Variants in LRP1B observed in about 807,000 individuals in gnomAD.
LRP1B encodes low-density lipoprotein receptor-related protein 1B.
Under a neutral mutation model 556.6 loss-of-function variants are expected in LRP1B, and 217 were observed. The ratio of observed to expected loss-of-function variants is 0.39; its 90% CI spans 0.35 to 0.44. The LOEUF is 0.44. Among genes scored for constraint, LRP1B ranks in the 20% least tolerant of loss-of-function variants. The pLI, the probability that LRP1B is intolerant of heterozygous loss-of-function variation, is 1.00. For synonymous variants in LRP1B, 2,047 were observed against 1,865.8 expected (o/e 1.10, Z -2.50); for missense variants, 5,053 against 5,620.8 (o/e 0.90, Z 3.23).
intron 1 of LRP1B, among the ~76,000 whole-genome samples, chr2:141,936,881 T>G (rs1700649752): frequency 6.6e-6 from 1 of 151,998 alleles, no homozygotes; most frequent in Non-Finnish European, 1.5e-5. Context: ...TTCTCCTAGA[T>G]TTTTAATAAA....
intron 3 of LRP1B, among the ~76,000 whole-genome samples, chr2:141,354,398 C>T (rs1349348089): frequency 1.3e-5 from 2 of 151,948 alleles, no homozygotes; most frequent in African/African-American, 4.8e-5. Flanking sequence ...ATATCCTTTA[C>T]ATAGAACATA....
intron 83 of LRP1B, among the ~76,000 whole-genome samples, chr2:140,309,280 C>CT (rs890903862): frequency 1.3e-5 from 2 of 151,770 alleles, no homozygotes; most frequent in African/African-American, 4.8e-5. Context: ...CCAGGTACTT[C>CT]TTAATATATT....
At chr2:141,510,558 G>A (rs1471293437) in intron 2 of LRP1B, among the ~76,000 whole-genome samples, 2 of 151,982 alleles carry the variant, frequency 1.3e-5, no homozygotes, top group South Asian at 2.1e-4. Context: ...TATGAAAGAG[G>A]AAAATAAGCC....
intron 83 of LRP1B, among the ~76,000 whole-genome samples, chr2:140,300,243 A>T (rs1683762769): frequency 6.6e-6 from 1 of 152,144 alleles, no homozygotes; most frequent in South Asian, 2.1e-4. Context: ...AGAAATCTTC[A>T]TATTCAGGGG....
chr2:142,048,497 C>T (rs1468885095), intron 1 of LRP1B, among the ~76,000 whole-genome samples: 1 of 152,034 alleles, frequency 6.6e-6, no homozygotes, highest in East Asian at 1.9e-4. Context: ...ACTCTTTCTA[C>T]TATGGACATG....
At chr2:141,764,166 G>T (rs1694654096) in intron 2 of LRP1B, among the ~76,000 whole-genome samples, 1 of 151,992 alleles carries the variant, frequency 6.6e-6, no homozygotes, top group Non-Finnish European at 1.5e-5. Flanking sequence ...TAGGAATGGG[G>T]CTCTGTCTGA....
intron 61 of LRP1B, 129 bp from the exon 62 acceptor site, chr2:140,456,732 A>G: frequency 3.2e-6 from 2 of 616,152 alleles, no homozygotes; most frequent in East Asian, 6.2e-5. Context: ...TCAAGAACTC[A>G]TCAAGACTAT....
chr2:141,003,562 TA>T (rs1697485656), intron 15 of LRP1B, among the ~76,000 whole-genome samples: 1 of 151,994 alleles, frequency 6.6e-6, no homozygotes, highest in Non-Finnish European at 1.5e-5. Flanking sequence ...CTGATTATTT[TA>T]AAAACAGGGA....
At chr2:141,134,117 T>C (rs746159391) in intron 7 of LRP1B, among the ~76,000 whole-genome samples, 2 of 151,684 alleles carry the variant, frequency 1.3e-5, no homozygotes, top group African/African-American at 2.4e-5. Context: ...CCCTCCAACA[T>C]ATATCCAGTC....
At chr2:141,758,181 C>T (rs1694390849) in intron 2 of LRP1B, among the ~76,000 whole-genome samples, 1 of 152,110 alleles carries the variant, frequency 6.6e-6, no homozygotes, top group Admixed American at 6.6e-5. Flanking sequence ...TTTCTCTTCC[C>T]CCCACTCCAA....
At chr2:140,675,789 T>C (rs1317289293) in intron 41 of LRP1B, among the ~76,000 whole-genome samples, 1 of 152,068 alleles carries the variant, frequency 6.6e-6, no homozygotes, top group Non-Finnish European at 1.5e-5. Flanking sequence ...TAAAATAATA[T>C]AGACAGAGAG....
chr2:141,663,229 A>G (rs1690293432), intron 2 of LRP1B, among the ~76,000 whole-genome samples: 1 of 152,184 alleles, frequency 6.6e-6, no homozygotes. Flanking sequence ...CCCCATCAAA[A>G]TGCTAGAAAG....
At chr2:141,365,041 A>G (rs1289217179) in intron 3 of LRP1B, among the ~76,000 whole-genome samples, 3 of 152,218 alleles carry the variant, frequency 2.0e-5, no homozygotes, top group African/African-American at 7.2e-5. Flanking sequence ...ACAGCTTATG[A>G]TGAATCTTTT....
At chr2:141,904,890 A>G (rs1699712081) in intron 1 of LRP1B, among the ~76,000 whole-genome samples, 1 of 151,980 alleles carries the variant, frequency 6.6e-6, no homozygotes. Context: ...CTAATAAGAC[A>G]GGGACAGAGA....
At chr2:140,619,560 G>C (rs867949045) in intron 41 of LRP1B, among the ~76,000 whole-genome samples, 59 of 152,158 alleles carry the variant, frequency 3.9e-4, no homozygotes, top group African/African-American at 1.4e-3. Flanking sequence ...GCTATTGCCT[G>C]ACTGAGTGAC....
chr2:141,954,708 G>T lies in LRP1B; in HGVS notation c.83-144307C>A, dbSNP rs773387693. Reference sequence around the variant, plus strand: ...TATAAACTGTGCGTTCATATCTTCAGGTCTTTCTTCCCATCATTGCTCTTC... The same window carrying T: ...TATAAACTGTGCGTTCATATCTTCATGTCTTTCTTCCCATCATTGCTCTTC... On this transcript the variant is annotated intron_variant, in intron 1 of 90. Transcript: ENST00000389484. Among the ~76,000 whole-genome samples the T allele has an allele frequency of 2.6e-5, 4 of 151,958 alleles. No individual in the cohort carries two copies. In the South Asian group the frequency reaches 8.3e-4, roughly 32 times the overall value.
At chr2:140,274,750 T>C (rs932758963) in intron 84 of LRP1B, 152 bp from the exon 85 acceptor site, 2 of 624,058 alleles carry the variant, frequency 3.2e-6, no homozygotes, top group Admixed American at 6.2e-5. Context: ...AGTAGAATTC[T>C]TTAATAATGC....
intron 3 of LRP1B, among the ~76,000 whole-genome samples, chr2:141,263,992 A>G (rs559036479): frequency 1.3e-5 from 2 of 152,322 alleles, no homozygotes; most frequent in East Asian, 3.9e-4. Flanking sequence ...TCTTCAACCT[A>G]ATGAATGATT....
intron 1 of LRP1B, among the ~76,000 whole-genome samples, chr2:141,996,742 G>A (rs1217117596): frequency 7.1e-6 from 1 of 141,626 alleles, no homozygotes; most frequent in African/African-American, 2.7e-5. Flanking sequence ...GTGACACAAA[G>A]TAAGAAAAAA....
Sources: gnomAD v4.1 joint callset for allele counts (sites outside exome capture counted in the v4.1 genomes callset) on GRCh38, gnomAD v4.1.1 for gene constraint, MANE v1.5 for transcripts, NCBI Gene and HGNC (gene_info 2026-07-23, HGNC 2026-07-21) for gene names.